Variants in ZNF350 observed in about 807,000 individuals in gnomAD.
The protein encoded by ZNF350 is zinc finger protein 350.
Under a neutral mutation model 13.1 loss-of-function variants are expected in ZNF350, and 5 were observed. That is an observed-to-expected ratio of 0.38 (90% CI 0.20 to 0.80). The LOEUF is 0.80. Among genes scored for constraint, ZNF350 ranks in the 30% least tolerant of loss-of-function variants. The pLI, the probability that ZNF350 is intolerant of heterozygous loss-of-function variation, is 0.43. For missense variants in ZNF350, 534 were observed against 644.2 expected, an observed-to-expected ratio of 0.83 and a Z score of 1.85; for synonymous variants, 199 against 224.2, an observed-to-expected ratio of 0.89 and a Z score of 1.00.
Position 51,965,103 on chromosome 19 carries a change from G to T in ZNF350, c.1350C>A (p.Val450=). ...ERHSSLHTSD[V]MQEKNSANGA... is the part of the protein sequence containing the mutation. ...CGTTAGCAGAGTTTTTCTCCTGCAT[G>T]ACATCACTGGTGTGTAATGAGCTGT... The change falls in exon 5 of 5, where the codon GTC becomes GTA. Residue 450 remains valine, a synonymous_variant. Transcript: ENST00000243644. 1 of 1,614,222 alleles carries T rather than the reference G, an allele frequency of 6.2e-7. No homozygotes were observed.
chr19:51,965,084 CAG>C lies in ZNF350; in HGVS notation c.1367_1368del (p.Ser456CysfsTer2). 6.2e-7 allele frequency: 1 copy of C among 1,614,202 alleles called. No homozygotes were observed. Among genetic ancestry groups the C allele is most frequent in the Non-Finnish European group, 8.5e-7 (1 of 1,180,040 alleles). On this transcript the variant is annotated frameshift_variant, in exon 5 of 5. Coordinates refer to ENST00000243644, the MANE Select transcript of ZNF350 (RefSeq NM_021632.4). LOFTEE classifies it low-confidence loss of function (END_TRUNC). ...GGCACTTGTGTAGTCGCCCCGTTAG[CAG>C]AGTTTTTCTCCTGCATGACATCACT... is the stretch of plus-strand genomic sequence containing the variant. ...HTSDVMQEKNSANGATTQVPS... is the reference protein window; with the variant it reads ...HTSDVMQEKNXANGATTQVPS...
rs1458231255 is a variant in ZNF350 at position 51,964,901 on chromosome 19, G to C, written c.1552C>G (p.Pro518Ala). Residue 518 changes from proline (P) to alanine (A), a missense_variant, in exon 5 of 5, where the codon CCT becomes GCT. Transcript: ENST00000243644. Reference sequence around the variant, plus strand: ...AATAAGACATAATTGATCACGGAAGGCACAACCACATTCACTGCATTCACA... The same window carrying C: ...AATAAGACATAATTGATCACGGAAGCCACAACCACATTCACTGCATTCACA... ...NLVNAVNVVV[P>A]SVINYVLFYV... is the part of the protein sequence containing the mutation. The C allele has an allele frequency of 6.2e-7, 1 of 1,613,668 alleles. No individual in the cohort carries two copies. Among genetic ancestry groups the C allele is most frequent in the Non-Finnish European group, 8.5e-7 (1 of 1,179,766 alleles).
intron 1 of ZNF350, among the ~76,000 whole-genome samples, chr19:51,982,871 G>A (rs974097487): frequency 1.3e-5 from 2 of 152,192 alleles, no homozygotes; most frequent in Admixed American, 6.5e-5. Flanking sequence ...GCACTACAGG[G>A]AAGTAGATAA....
In ZNF350 at chr19:51,974,482, C is replaced by T; in HGVS notation, c.-122G>A. The T allele has an allele frequency of 8.7e-7, 1 of 1,144,478 alleles. No homozygotes were observed. The highest frequency in any genetic ancestry group is 2.4e-5 in the East Asian group (1 of 42,134). 70.9% of individuals were successfully genotyped at this position (1,144,478 alleles called of 1,614,324 possible). ...CCCCAAGAAATGGTGAACCCCAAATCCACTTCCTCCCTCTTCAGGTTATGT... is the reference window on the plus strand; with the variant it reads ...CCCCAAGAAATGGTGAACCCCAAATTCACTTCCTCCCTCTTCAGGTTATGT... On this transcript the variant is annotated 5_prime_UTR_variant, in exon 2 of 5. Coordinates refer to ENST00000243644, the MANE Select transcript of ZNF350 (RefSeq NM_021632.4).
chr19:51,975,429 T>TA (rs202054246), intron 1 of ZNF350, among the ~76,000 whole-genome samples: 28,967 of 88,706 alleles, frequency 0.33, 5,434 homozygotes, highest in Non-Finnish European at 0.42. Flanking sequence ...AACCTCGTCT[T>TA]AAAAAAAAAA....
intron 4 of ZNF350, 129 bp downstream of exon 4, chr19:51,968,448 GT>G: frequency 1.3e-6 from 1 of 771,838 alleles, no homozygotes. Context: ...AGAAAAACTG[GT>G]CTCACACTGG....
chr19:51,966,574 C>T (rs767366983), intron 4 of ZNF350, among the ~76,000 whole-genome samples: 4 of 145,598 alleles, frequency 2.7e-5, no homozygotes, highest in Admixed American at 6.8e-5. Context: ...TTTTGGGAGA[C>T]GGAGTCTCAC....
chr19:51,982,270 A>G (rs991336963), intron 1 of ZNF350, among the ~76,000 whole-genome samples: 2 of 152,206 alleles, frequency 1.3e-5, no homozygotes, highest in African/African-American at 4.8e-5. Context: ...CTGTAAACCA[A>G]TGAGAATTCT....
chr19:51,964,799 T>C lies in ZNF350; in HGVS notation c.*55A>G, dbSNP rs763512034. 34 of 1,554,972 alleles carry C rather than the reference T, an allele frequency of 2.2e-5. No homozygotes were observed. Among genetic ancestry groups the C allele is most frequent in the Non-Finnish European group, 2.9e-5 (33 of 1,148,372 alleles). On this transcript the variant is annotated 3_prime_UTR_variant, in exon 5 of 5. Transcript: ENST00000243644. ...TCTCAGTGTATGCTTTTCGGCCACA[T>C]AATGAACTACAAATTTTTGCTCAAC...
In ZNF350 at chr19:51,965,798, A is replaced by ACTTCTTGATGAAGG; in HGVS notation, c.641_654dup (p.Ser219ProfsTer8). On this transcript the variant is annotated frameshift_variant, in exon 5 of 5. Transcript: ENST00000243644. LOFTEE classifies it low-confidence loss of function (END_TRUNC). ...ATTACCTGGTGATCAGTTAGCCAAG[A>ACTTCTTGATGAAGG]CTTCTTGATGAAGGCTTTCCCACAT... 1 of 1,613,910 alleles carries ACTTCTTGATGAAGG rather than the reference A, an allele frequency of 6.2e-7. No individual in the cohort carries two copies. The highest frequency in any genetic ancestry group is 8.5e-7 in the Non-Finnish European group (1 of 1,179,980).
At chr19:51,984,549 C>A (rs971892462) in intron 1 of ZNF350, among the ~76,000 whole-genome samples, 1 of 152,126 alleles carries the variant, frequency 6.6e-6, no homozygotes, top group Non-Finnish European at 1.5e-5. Flanking sequence ...CTCTGCCTCC[C>A]CCATATGAGA....
chr19:51,980,259 GGGCTAT>G (rs2086000448), intron 1 of ZNF350, among the ~76,000 whole-genome samples: 1 of 152,120 alleles, frequency 6.6e-6, no homozygotes, highest in Admixed American at 6.6e-5. Context: ...TTGCATCCCT[GGGCTAT>G]GGATTCTTGT....
chr19:51,983,175 T>C (rs984095743), intron 1 of ZNF350, among the ~76,000 whole-genome samples: 20 of 152,310 alleles, frequency 1.3e-4, no homozygotes, highest in Non-Finnish European at 2.2e-4. Context: ...TGTTAAAATG[T>C]GTTTGCAGGC....
chr19:51,974,768 G>T, intron 1 of ZNF350: 1 of 159,900 alleles, frequency 6.3e-6, no homozygotes, highest in Non-Finnish European at 1.4e-5. Flanking sequence ...AGGCAGGTAG[G>T]AAATGAGACC....
intron 2 of ZNF350, among the ~76,000 whole-genome samples, chr19:51,972,369 C>G (rs1156705161): frequency 1.3e-5 from 2 of 150,880 alleles, no homozygotes; most frequent in Non-Finnish European, 2.9e-5. Context: ...TCAACCCACC[C>G]CCGCCACACA....
At position 51,965,834 on chromosome 19, in the gene ZNF350, CAT is replaced by C. The variant is rs1182867586; in HGVS notation, c.617_618del (p.His206ArgfsTer4). The stretch of plus-strand genomic sequence containing the variant: ...AAGGCTTTCCCACATTCACTGCACA[CAT>C]GATGCTTCTCTAATTTTCGTGTTTT... ...HQKTRKLEKH[H>X]VCSECGKAFI... On this transcript the variant is annotated frameshift_variant, in exon 5 of 5. Transcript: ENST00000243644. LOFTEE classifies it low-confidence loss of function (END_TRUNC). The C allele has an allele frequency of 6.2e-7, 1 of 1,614,164 alleles. No individual in the cohort carries two copies. Among genetic ancestry groups the C allele is most frequent in the East Asian group, 2.2e-5 (1 of 44,884 alleles).
chr19:51,975,437 A>AAAC (rs1555765165), intron 1 of ZNF350, among the ~76,000 whole-genome samples: 2 of 149,932 alleles, frequency 1.3e-5, no homozygotes, highest in African/African-American at 4.9e-5. Flanking sequence ...CTTAAAAAAA[A>AAAC]AAAAAAAAAA....
intron 3 of ZNF350, 146 bp from the exon 4 acceptor site, chr19:51,968,819 C>T: frequency 1.5e-5 from 21 of 1,445,226 alleles, no homozygotes; most frequent in Non-Finnish European, 1.9e-5. Flanking sequence ...AGTTTCGTTT[C>T]ATATCTGTAA....
intron 1 of ZNF350, among the ~76,000 whole-genome samples, chr19:51,979,074 C>T (rs1005863363): frequency 3.9e-5 from 6 of 152,056 alleles, no homozygotes; most frequent in South Asian, 2.1e-4. Flanking sequence ...CCCTCCTGTA[C>T]GAGCTATGAG....
Sources: gnomAD v4.1 joint callset for allele counts (sites outside exome capture counted in the v4.1 genomes callset) on GRCh38, gnomAD v4.1.1 for gene constraint, MANE v1.5 for transcripts, NCBI Gene and HGNC (gene_info 2026-07-23, HGNC 2026-07-21) for gene names.